The following ABCB1 variants were observed in gnomAD, a reference collection of about 807,000 sequenced individuals.
The protein encoded by ABCB1 is ATP-dependent translocase ABCB1.
Under a neutral mutation model 142.0 loss-of-function variants are expected in ABCB1, and 69 were observed. The observed-to-expected ratio is 0.49, with a 90% CI of 0.40 to 0.59. The LOEUF (loss-of-function observed/expected upper bound fraction) is 0.59. Among genes scored for constraint, ABCB1 ranks in the 20% least tolerant of loss-of-function variants. The pLI is 0.00. For synonymous variants in ABCB1, 532 were observed against 539.2 expected, an observed-to-expected ratio of 0.99 and a Z score of 0.18; for missense variants, 1,326 against 1,554.7, an observed-to-expected ratio of 0.85 and a Z score of 2.47.
At chr7:87,521,582 T>A in intron 21 of ABCB1, 1 of 757,702 alleles carries the variant, frequency 1.3e-6, no homozygotes, top group South Asian at 1.4e-5. Context: ...TGGGGAATGC[T>A]CATGGATTGC....
chr7:87,515,154 T>C, intron 25 of ABCB1, 77 bp downstream of exon 25: 1 of 1,551,242 alleles, frequency 6.4e-7, no homozygotes, highest in Non-Finnish European at 8.8e-7. Context: ...AAACATGGCT[T>C]ATAGTTGAGA....
chr7:87,604,769 C>A (rs981801390), upstream of ABCB1, among the ~76,000 whole-genome samples: 2 of 152,104 alleles, frequency 1.3e-5, no homozygotes, highest in East Asian at 3.9e-4. Flanking sequence ...TTAATTAAGT[C>A]GCTTAGTGAG....
At chr7:87,615,079 C>T (rs553497475) in intron 1 of ABCB1, among the ~76,000 whole-genome samples, 19 of 152,042 alleles carry the variant, frequency 1.2e-4, no homozygotes, top group African/African-American at 4.3e-4. Context: ...TCTCCTGACC[C>T]GCCCGCCTCG....
chr7:87,581,155 C>G (rs1222133420), intron 4 of ABCB1, among the ~76,000 whole-genome samples: 1 of 152,080 alleles, frequency 6.6e-6, no homozygotes, highest in Non-Finnish European at 1.5e-5. Context: ...CAAACTCTCA[C>G]TATCTTGCCC....
intron 1 of ABCB1, among the ~76,000 whole-genome samples, chr7:87,694,670 T>C (rs1459328168): frequency 1.3e-5 from 2 of 152,182 alleles, no homozygotes; most frequent in East Asian, 1.9e-4. Flanking sequence ...TACGCATTTA[T>C]GTGTAGCTCT....
At chr7:87,526,873 T>C (rs1347488139) in intron 21 of ABCB1, among the ~76,000 whole-genome samples, 7 of 152,316 alleles carry the variant, frequency 4.6e-5, no homozygotes, top group African/African-American at 1.7e-4. Context: ...TCTATAGATA[T>C]GGACTCATCC....
At chr7:87,536,580 TTA>T (rs1489259826) in intron 19 of ABCB1, 39 bp from the exon 20 acceptor site, 1 of 1,596,790 alleles carries the variant, frequency 6.3e-7, no homozygotes, top group East Asian at 2.2e-5. Flanking sequence ...TTAAAGCTGT[TTA>T]TGAGACTCTC....
chr7:87,568,045 G>A (rs940191361), intron 5 of ABCB1, among the ~76,000 whole-genome samples: 4 of 151,674 alleles, frequency 2.6e-5, no homozygotes, highest in East Asian at 1.9e-4. Context: ...AGAGGTTGCC[G>A]GGAGCCGAGA....
intron 10 of ABCB1, 50 bp from the exon 11 acceptor site, chr7:87,550,628 T>G: frequency 6.3e-7 from 1 of 1,584,396 alleles, no homozygotes; most frequent in Admixed American, 1.7e-5. Context: ...TAACTACTTT[T>G]AGTGATATTT....
chr7:87,706,429 G>T (rs1442196059), intron 1 of ABCB1, among the ~76,000 whole-genome samples: 3 of 152,092 alleles, frequency 2.0e-5, no homozygotes, highest in Non-Finnish European at 4.4e-5. Context: ...AAACAGAGTC[G>T]ATCCCAAAGG....
chr7:87,530,842 A>AAAGC (rs763471275), intron 21 of ABCB1, among the ~76,000 whole-genome samples: 10,736 of 85,274 alleles, frequency 0.13, 381 homozygotes, highest in South Asian at 0.2. Context: ...AGAAAGCAAG[A>AAAGC]AAGAAAGAAA....
At chr7:87,608,575 A>G (rs1430144746) in intron 1 of ABCB1, among the ~76,000 whole-genome samples, 1 of 152,194 alleles carries the variant, frequency 6.6e-6, no homozygotes, top group Non-Finnish European at 1.5e-5. Flanking sequence ...CTAAGATATC[A>G]GCACTGAGGA....
intron 2 of ABCB1, among the ~76,000 whole-genome samples, chr7:87,599,579 G>A (rs750731835): frequency 2.0e-5 from 3 of 152,170 alleles, no homozygotes; most frequent in African/African-American, 7.2e-5. Flanking sequence ...CTGAGAAAGA[G>A]GCACACCAAG....
intron 1 of ABCB1, among the ~76,000 whole-genome samples, chr7:87,658,866 T>C (rs1824404602): frequency 6.6e-6 from 1 of 152,108 alleles, no homozygotes; most frequent in African/African-American, 2.4e-5. Context: ...TTAAAGAACA[T>C]TCGTTAAGCA....
intron 16 of ABCB1, 40 bp downstream of exon 16, chr7:87,544,783 G>T: frequency 6.2e-7 from 1 of 1,609,032 alleles, no homozygotes. Context: ...GGGAACCACA[G>T]TTAGTGAGAT....
rs544634887 is a variant in ABCB1 at position 87,540,504 on chromosome 7, G to T, written c.2319+853C>A. ...TGCCCAGGCTGGAGTGCAGTGGCACGATCATGGCTCACAGCAACCTCCTCC... is the reference window on the plus strand; with the variant it reads ...TGCCCAGGCTGGAGTGCAGTGGCACTATCATGGCTCACAGCAACCTCCTCC... On this transcript the variant is annotated intron_variant, in intron 18 of 27. Transcript: ENST00000622132. Among the ~76,000 whole-genome samples the T allele has an allele frequency of 2.6e-3, 393 of 152,294 alleles. 1 individual carries two copies. The highest frequency in any genetic ancestry group is 8.9e-3 in the African/African-American group (370 of 41,568).
At chr7:87,517,984 G>A (rs1181622401) in intron 23 of ABCB1, among the ~76,000 whole-genome samples, 2 of 152,114 alleles carry the variant, frequency 1.3e-5, no homozygotes, top group African/African-American at 4.8e-5. Context: ...TTGAAATATT[G>A]CTAAAAACTC....
chr7:87,622,476 A>T (rs1343584525), intron 1 of ABCB1, among the ~76,000 whole-genome samples: 1 of 152,216 alleles, frequency 6.6e-6, no homozygotes, highest in South Asian at 2.1e-4. Flanking sequence ...TAGGATGTAA[A>T]TTGGTAAAAC....
At chr7:87,642,659 C>G (rs575001395) in intron 1 of ABCB1, among the ~76,000 whole-genome samples, 2 of 151,808 alleles carry the variant, frequency 1.3e-5, no homozygotes, top group African/African-American at 4.8e-5. Context: ...ACTTGAAGTT[C>G]TAGGGTACAT....
Sources: allele counts gnomAD v4.1 joint callset (sites outside exome capture counted in the v4.1 genomes callset), GRCh38; gene constraint gnomAD v4.1.1; transcripts MANE v1.5; gene names NCBI Gene and HGNC (gene_info 2026-07-23, HGNC 2026-07-21).